The following MPPED2 variants were observed in gnomAD, a reference collection of about 807,000 sequenced individuals.
The protein encoded by MPPED2 is metallophosphoesterase MPPED2.
In MPPED2, 5 loss-of-function variants were observed where a neutral mutation model predicts 33.0. The observed-to-expected ratio is 0.15, with a 90% CI of 0.08 to 0.32. The LOEUF is 0.32. Ranked by LOEUF, MPPED2 falls within the 10% of genes least tolerant of loss-of-function variation. The pLI is 1.00. For missense variants in MPPED2, 275 were observed against 372.1 expected (o/e 0.74, Z 2.15); for synonymous variants, 136 against 141.9 (o/e 0.96, Z 0.29).
chr11:30,515,812 C>T (rs1320514438), intron 3 of MPPED2, among the ~76,000 whole-genome samples: 1 of 152,128 alleles, frequency 6.6e-6, no homozygotes, highest in Non-Finnish European at 1.5e-5. Flanking sequence ...CATAGAATAG[C>T]CTTTAATGTG....
intron 3 of MPPED2, among the ~76,000 whole-genome samples, chr11:30,526,226 G>C (rs1390368538): frequency 1.3e-5 from 2 of 151,994 alleles, no homozygotes; most frequent in Admixed American, 6.6e-5. Flanking sequence ...GACAAAACAA[G>C]CTGTGTTACA....
chr11:30,509,183 T>A (rs371412333), intron 3 of MPPED2, among the ~76,000 whole-genome samples: 1 of 152,218 alleles, frequency 6.6e-6, no homozygotes, highest in East Asian at 1.9e-4. Flanking sequence ...ATACAGGGGC[T>A]TTTTTTACTG....
intron 4 of MPPED2, chr11:30,451,598 C>T (rs1192445631): frequency 1.5e-6 from 1 of 685,744 alleles, no homozygotes. Flanking sequence ...ACCACTACCA[C>T]CCTCACTCTC....
chr11:30,529,900 C>T (rs1851974256), intron 3 of MPPED2, among the ~76,000 whole-genome samples: 1 of 152,160 alleles, frequency 6.6e-6, no homozygotes, highest in Admixed American at 6.5e-5. Flanking sequence ...TTGAGATTTT[C>T]CTTGAAGCAT....
intron 2 of MPPED2, among the ~76,000 whole-genome samples, chr11:30,576,434 C>T (rs569711354): frequency 2.3e-3 from 351 of 152,208 alleles, no homozygotes; most frequent in African/African-American, 8.0e-3. Flanking sequence ...GTTCCCTAGT[C>T]GTCAATCCTT....
At chr11:30,434,584 T>A (rs1315861913) in intron 4 of MPPED2, among the ~76,000 whole-genome samples, 1 of 152,198 alleles carries the variant, frequency 6.6e-6, no homozygotes. Context: ...CTTGTGCATT[T>A]CCAGTTCTGC....
chr11:30,476,645 G>T (rs1398000121), intron 4 of MPPED2, among the ~76,000 whole-genome samples: 1 of 151,896 alleles, frequency 6.6e-6, no homozygotes, highest in Non-Finnish European at 1.5e-5. Context: ...AATAATCAAA[G>T]CTTCATAGTA....
downstream of MPPED2, among the ~76,000 whole-genome samples, chr11:30,406,374 G>T (rs1472605484): frequency 6.6e-6 from 1 of 152,184 alleles, no homozygotes; most frequent in Admixed American, 6.5e-5. Flanking sequence ...CATTATCTTT[G>T]AATTGCTCTG....
intron 3 of MPPED2, chr11:30,501,547 A>G (rs770931661): frequency 4.0e-6 from 3 of 752,670 alleles, no homozygotes; most frequent in Non-Finnish European, 4.9e-6. Context: ...TCTGTCTTCC[A>G]GTATTTATCA....
intron 4 of MPPED2, among the ~76,000 whole-genome samples, chr11:30,493,888 C>A (rs1952109529): frequency 6.6e-6 from 1 of 152,182 alleles, no homozygotes; most frequent in Admixed American, 6.5e-5. Context: ...GGCTCAGACA[C>A]TGTGAAGTAA....
chr11:30,397,554 T>C (rs1482600887), intron 6 of MPPED2, among the ~76,000 whole-genome samples: 1 of 152,158 alleles, frequency 6.6e-6, no homozygotes, highest in Admixed American at 6.5e-5. Context: ...GGAAGATAAG[T>C]CATAAAACAA....
At chr11:30,432,113 G>A (rs1224402518) in intron 4 of MPPED2, among the ~76,000 whole-genome samples, 4 of 151,558 alleles carry the variant, frequency 2.6e-5, no homozygotes, top group African/African-American at 9.7e-5. Flanking sequence ...AGGTTTCAAG[G>A]AGCCGAGATC....
At chr11:30,489,538 C>T (rs1951881042) in intron 4 of MPPED2, among the ~76,000 whole-genome samples, 1 of 152,220 alleles carries the variant, frequency 6.6e-6, no homozygotes, top group Non-Finnish European at 1.5e-5. Flanking sequence ...AAATGCAACT[C>T]AACAGACTTT....
intron 6 of MPPED2, among the ~76,000 whole-genome samples, chr11:30,411,917 C>T (rs1948121325): frequency 6.6e-6 from 1 of 151,442 alleles, no homozygotes; most frequent in Non-Finnish European, 1.5e-5. Flanking sequence ...ATTTCAAAGC[C>T]TTGTGTTAAC....
rs540516955 is a variant in MPPED2 at position 30,433,039 on chromosome 11, G to A, written c.537-15406C>T. On this transcript the variant is annotated intron_variant, in intron 4 of 6. Coordinates refer to ENST00000358117, the MANE Select transcript of MPPED2 (RefSeq NM_001584.3). ...ATGGGGGTCCCCAATCTCCAGTTCG[G>A]TGATGGCTCTAGAAGCTGGGTACAG... 6.6e-5 allele frequency among the ~76,000 whole-genome samples: 10 copies of A among 152,330 alleles called. No individual in the cohort carries two copies. The South Asian group carries it at 1.9e-3, about 28-fold the overall frequency.
intron 4 of MPPED2, among the ~76,000 whole-genome samples, chr11:30,492,750 T>C (rs1952040690): frequency 6.6e-6 from 1 of 152,138 alleles, no homozygotes; most frequent in African/African-American, 2.4e-5. Context: ...CTGAGGATTA[T>C]AACCACCAAT....
intron 2 of MPPED2, among the ~76,000 whole-genome samples, chr11:30,542,204 T>C (rs991919671): frequency 6.6e-6 from 1 of 152,218 alleles, no homozygotes; most frequent in African/African-American, 2.4e-5. Context: ...TTAATTTTTG[T>C]TAGATGCTTA....
intron 2 of MPPED2, among the ~76,000 whole-genome samples, chr11:30,542,480 A>G (rs796736880): frequency 6.7e-6 from 1 of 149,506 alleles, no homozygotes; most frequent in Admixed American, 6.7e-5. Flanking sequence ...AAAAAAAAAA[A>G]AAAGCCAGGC....
At chr11:30,518,098 G>T (rs1320350275) in intron 3 of MPPED2, among the ~76,000 whole-genome samples, 1 of 152,132 alleles carries the variant, frequency 6.6e-6, no homozygotes, top group Admixed American at 6.5e-5. Flanking sequence ...AGAGTTTATG[G>T]TAGATTATGA....
Sources: allele counts gnomAD v4.1 joint callset (sites outside exome capture counted in the v4.1 genomes callset), GRCh38; gene constraint gnomAD v4.1.1; transcripts MANE v1.5; gene names NCBI Gene and HGNC (gene_info 2026-07-23, HGNC 2026-07-21).